The following PCDH7 variants were observed in gnomAD, a reference collection of about 807,000 sequenced individuals.
PCDH7 encodes protocadherin 7, also known as protocadherin-7.
A neutral mutation model predicts 58.9 loss-of-function variants in PCDH7; 17 were observed. That is an observed-to-expected ratio of 0.29 (90% CI 0.20 to 0.43). The LOEUF (loss-of-function observed/expected upper bound fraction) is 0.43, where lower values mean the gene tolerates loss of function less well. Ranked by LOEUF, PCDH7 falls within the 20% of genes least tolerant of loss-of-function variation. PCDH7 has a pLI of 1.00. For missense variants in PCDH7, 1,274 were observed against 1,441.0 expected (o/e 0.88, Z 1.88); for synonymous variants, 664 against 616.4 (o/e 1.08, Z -1.14).
chr4:30,842,874 T>C (rs910622506), intron 1 of PCDH7, among the ~76,000 whole-genome samples: 8 of 152,098 alleles, frequency 5.3e-5, no homozygotes, highest in African/African-American at 1.9e-4. Flanking sequence ...TTTATAGCAC[T>C]CTTTTATTTT....
At chr4:30,989,263 G>A (rs1173689226) in intron 3 of PCDH7, among the ~76,000 whole-genome samples, 3 of 148,638 alleles carry the variant, frequency 2.0e-5, no homozygotes, top group Non-Finnish European at 4.4e-5. Context: ...AACAAGCTAA[G>A]ATAGGTACTC....
At chr4:30,914,584 A>T (rs1742181585) in intron 1 of PCDH7, among the ~76,000 whole-genome samples, 1 of 152,156 alleles carries the variant, frequency 6.6e-6, no homozygotes, top group South Asian at 2.1e-4. Context: ...TAGGTTTGAA[A>T]TTTTTTGTGG....
chr4:30,721,376 G>A lies in PCDH7; in HGVS notation c.-47G>A, dbSNP rs979292445. Reference sequence around the variant, plus strand: ...GCCGGCCCCGGAGGAGGGGGGCGCCGAGGGGGCTGTGGTTAGAAGGAGCAG... The same window carrying A: ...GCCGGCCCCGGAGGAGGGGGGCGCCAAGGGGGCTGTGGTTAGAAGGAGCAG... On this transcript the variant is annotated 5_prime_UTR_variant, in exon 1 of 2. Coordinates refer to ENST00000361762, the Ensembl canonical transcript of PCDH7. This position sits in a 1 kb window ranked among gnomAD's most constrained non-coding sequence, Gnocchi z 6.7. The A allele has an allele frequency of 1.4e-6, 2 of 1,429,630 alleles. No homozygotes were observed. Among genetic ancestry groups the A allele is most frequent in the African/African-American group, 1.4e-5 (1 of 69,380 alleles). 88.6% of individuals were successfully genotyped at this position (1,429,630 alleles called of 1,614,324 possible). A position where few individuals can be genotyped will look rare whatever the true frequency, so the allele number is the denominator to read the frequency against.
chr4:30,777,679 C>A (rs1291333386), intron 1 of PCDH7, among the ~76,000 whole-genome samples: 1 of 152,098 alleles, frequency 6.6e-6, no homozygotes, highest in Non-Finnish European at 1.5e-5. Flanking sequence ...TCCCACTCAC[C>A]TTTAGTAAGA....
At chr4:30,907,247 A>T (rs970911678) in intron 1 of PCDH7, among the ~76,000 whole-genome samples, 2 of 152,138 alleles carry the variant, frequency 1.3e-5, no homozygotes, top group Non-Finnish European at 2.9e-5. Context: ...AAAAGCCAAA[A>T]TAGACAAATG....
intron 3 of PCDH7, among the ~76,000 whole-genome samples, chr4:31,014,449 G>C (rs1230189645): frequency 6.6e-6 from 1 of 152,088 alleles, no homozygotes; most frequent in Non-Finnish European, 1.5e-5. Flanking sequence ...AGAAAGACAG[G>C]AATGTACAAG....
intron 3 of PCDH7, among the ~76,000 whole-genome samples, chr4:31,073,665 C>T (rs946164089): frequency 2.0e-5 from 3 of 152,142 alleles, no homozygotes; most frequent in African/African-American, 2.4e-5. Flanking sequence ...TGCCCAACCA[C>T]GGATCAAGAC....
At chr4:30,845,905 TTTG>T (rs1185095766) in intron 1 of PCDH7, among the ~76,000 whole-genome samples, 5 of 152,246 alleles carry the variant, frequency 3.3e-5, no homozygotes, top group African/African-American at 1.2e-4. Flanking sequence ...TCTATTCTTA[TTTG>T]AATGCTGTGA....
At chr4:30,824,570 C>T (rs988112568) in intron 1 of PCDH7, among the ~76,000 whole-genome samples, 2 of 152,012 alleles carry the variant, frequency 1.3e-5, no homozygotes, top group Non-Finnish European at 1.5e-5. Context: ...GTGATATTGC[C>T]TTACCTTGGC....
chr4:31,103,386 C>T (rs1158796793), intron 3 of PCDH7, among the ~76,000 whole-genome samples: 1 of 152,092 alleles, frequency 6.6e-6, no homozygotes, highest in Non-Finnish European at 1.5e-5. Flanking sequence ...GTCACCTAGG[C>T]TGCTGTGCAG....
chr4:30,794,241 T>A (rs1476550826), intron 1 of PCDH7, among the ~76,000 whole-genome samples: 1 of 152,234 alleles, frequency 6.6e-6, no homozygotes, highest in Non-Finnish European at 1.5e-5. Context: ...GAAGGTGTTT[T>A]TCTCTTCATT....
At chr4:30,812,842 A>C (rs1727194365) in intron 1 of PCDH7, among the ~76,000 whole-genome samples, 1 of 152,238 alleles carries the variant, frequency 6.6e-6, no homozygotes, top group South Asian at 2.1e-4. Flanking sequence ...AGGTGAGCTT[A>C]TGAATTTAAT....
intron 2 of PCDH7, among the ~76,000 whole-genome samples, chr4:30,949,777 T>C (rs1747149291): frequency 6.6e-6 from 1 of 152,088 alleles, no homozygotes; most frequent in Admixed American, 6.6e-5. Context: ...TATTTGGTAT[T>C]AGAGTCATCT....
intron 1 of PCDH7, among the ~76,000 whole-genome samples, chr4:30,780,883 G>A (rs2109288535): frequency 6.6e-6 from 1 of 152,248 alleles, no homozygotes. Flanking sequence ...CTCTGGTTTA[G>A]GCAGGGAAAC....
chr4:31,040,677 C>T (rs528995513), intron 3 of PCDH7, among the ~76,000 whole-genome samples: 2 of 152,232 alleles, frequency 1.3e-5, no homozygotes, highest in South Asian at 4.1e-4. Flanking sequence ...TTAGGTAAGC[C>T]TTTACTCATC....
rs572500038 is a variant in PCDH7, at chr4:30,819,779, T to A, written c.70+95183T>A. Among the ~76,000 whole-genome samples the A allele has an allele frequency of 4.6e-4, 70 of 152,276 alleles. 2 individuals carry two copies. The South Asian group carries it at 0.013, about 29-fold the overall frequency. Reference sequence around the variant, plus strand: ...CGGACAAAGAGCTCACTCTTTTTTTTAAAAGTAAATCCTATAGCAAATTAT... The same window carrying A: ...CGGACAAAGAGCTCACTCTTTTTTTAAAAAGTAAATCCTATAGCAAATTAT... On this transcript the variant is annotated intron_variant, in intron 1 of 3. Coordinates refer to the PCDH7 transcript ENST00000509759.
chr4:30,806,034 A>C (rs764525800), intron 1 of PCDH7, among the ~76,000 whole-genome samples: 10 of 152,208 alleles, frequency 6.6e-5, no homozygotes, highest in Non-Finnish European at 1.0e-4. Flanking sequence ...TGCTCCAGCA[A>C]ACATTTCCTT....
chr4:30,895,695 C>T (rs1238881702), intron 1 of PCDH7, among the ~76,000 whole-genome samples: 1 of 152,086 alleles, frequency 6.6e-6, no homozygotes, highest in African/African-American at 2.4e-5. Flanking sequence ...TCCTTCTTAC[C>T]CCTCCCCCAA....
chr4:30,866,884 T>G (rs1321071929), intron 1 of PCDH7, among the ~76,000 whole-genome samples: 1 of 152,126 alleles, frequency 6.6e-6, no homozygotes, highest in Non-Finnish European at 1.5e-5. Flanking sequence ...GCAGTAAACC[T>G]GACGTTTTGT....
Sources: allele counts gnomAD v4.1 joint callset (sites outside exome capture counted in the v4.1 genomes callset), GRCh38; gene constraint gnomAD v4.1.1; non-coding constraint Gnocchi (gnomAD v3.1); transcripts MANE v1.5; gene names NCBI Gene and HGNC (gene_info 2026-07-23, HGNC 2026-07-21).